PDE6A: variants seen among roughly 807,000 people sequenced by gnomAD.
The protein encoded by PDE6A is rod cGMP-specific 3',5'-cyclic phosphodiesterase subunit alpha.
In PDE6A, 84 loss-of-function variants were observed where a neutral mutation model predicts 106.3. The ratio of observed to expected loss-of-function variants is 0.79; its 90% CI spans 0.66 to 0.95. The LOEUF is 0.95. Among genes scored for constraint, PDE6A ranks in the 40% least tolerant of loss-of-function variants. The pLI is 0.00. For synonymous variants in PDE6A, 394 were observed against 386.6 expected, an observed-to-expected ratio of 1.02 and a Z score of -0.23; for missense variants, 1,052 against 1,084.9, an observed-to-expected ratio of 0.97 and a Z score of 0.43.
At position 149,921,658 on chromosome 5, in the gene PDE6A, C is replaced by G. The variant is rs769712698; in HGVS notation, c.910G>C (p.Gly304Arg). ...ACTCTTCCATCCGGAGTCCTGGGACCAGAGTAAGGTGGAACTTCACCCATC... is the reference window on the plus strand; with the variant it reads ...ACTCTTCCATCCGGAGTCCTGGGACGAGAGTAAGGTGGAACTTCACCCATC... ...VLMGEVPPYS[G>R]PRTPDGREIN... The change falls in exon 5 of 22, where the codon GGT becomes CGT. Residue 304 changes from glycine to arginine, a missense_variant. By Grantham distance (125) the Gly-to-Arg change is moderately radical. Coordinates refer to ENST00000255266, the MANE Select transcript of PDE6A (RefSeq NM_000440.3). The G allele has an allele frequency of 6.2e-7, 1 of 1,613,806 alleles. No individual in the cohort carries two copies. Among genetic ancestry groups the G allele is most frequent in the South Asian group, 1.1e-5 (1 of 91,070 alleles).
chr5:149,875,791 C>G (rs1273714623), intron 17 of PDE6A, among the ~76,000 whole-genome samples: 1 of 152,198 alleles, frequency 6.6e-6, no homozygotes, highest in East Asian at 1.9e-4. Context: ...CCTGGCCATA[C>G]TGACTTTTTA....
chr5:149,921,611 C>T (rs1333744039), intron 5 of PDE6A, 24 bp downstream of exon 5: 2 of 1,580,784 alleles, frequency 1.3e-6, no homozygotes, highest in South Asian at 2.2e-5. Context: ...TTAAATCATA[C>T]TGAAAAGGTC....
At chr5:149,873,622 A>G (rs1760635442) in intron 17 of PDE6A, among the ~76,000 whole-genome samples, 1 of 152,084 alleles carries the variant, frequency 6.6e-6, no homozygotes, top group Non-Finnish European at 1.5e-5. Flanking sequence ...GTGAGCCACC[A>G]CGCCTGGCCA....
chr5:149,900,131 A>C (rs1055606730), intron 8 of PDE6A, among the ~76,000 whole-genome samples: 3 of 151,858 alleles, frequency 2.0e-5, no homozygotes, highest in South Asian at 4.2e-4. Flanking sequence ...AGGCAGGCGG[A>C]TCACTTGATG....
At chr5:149,936,376 C>A (rs1393978166) in intron 1 of PDE6A, among the ~76,000 whole-genome samples, 1 of 152,154 alleles carries the variant, frequency 6.6e-6, no homozygotes, top group African/African-American at 2.4e-5. Flanking sequence ...TAAGCAAAAT[C>A]TCTAAAAAGG....
In PDE6A at chr5:149,860,968, G is replaced by A. The variant is rs757358359; in HGVS notation, c.2510C>T (p.Ala837Val). The A allele has an allele frequency of 3.1e-6, 5 of 1,613,890 alleles. No homozygotes were observed. In the African/African-American group the frequency reaches 6.7e-5, roughly 22 times the overall value. The stretch of plus-strand genomic sequence containing the variant: ...GTTTCCCCCCGGCTGATTTCCTGCG[G>A]CTGCTGCAATGAAACAGGAAAAAGA... Reference protein sequence around the residue: ...KQKQQSAKSAAAGNQPGGNPS... With the variant: ...KQKQQSAKSAVAGNQPGGNPS... The change falls in exon 22 of 22, where the codon GCC (alanine) becomes GTC (valine). Residue 837 changes from alanine (A) to valine (V), a missense_variant. This residue lies in a region of PDE6A where 135 missense variants were observed against 153.2 expected (regional missense o/e 0.88). Transcript: ENST00000255266.
At chr5:149,866,720 T>C (rs1760344654) in intron 19 of PDE6A, 1 of 166,450 alleles carries the variant, frequency 6.0e-6, no homozygotes. Context: ...ATTATGGTTG[T>C]GTTTATGATT....
chr5:149,890,242 C>T (rs1284983286), intron 13 of PDE6A, among the ~76,000 whole-genome samples: 1 of 152,078 alleles, frequency 6.6e-6, no homozygotes, highest in Admixed American at 6.6e-5. Flanking sequence ...CAGGCATGAG[C>T]CACTGCGTCT....
chr5:149,869,002 C>T (rs1002239667), intron 17 of PDE6A, among the ~76,000 whole-genome samples: 1 of 152,148 alleles, frequency 6.6e-6, no homozygotes, highest in African/African-American at 2.4e-5. Flanking sequence ...GTAAAGAGAA[C>T]TGTGAACAGC....
chr5:149,937,678 G>A (rs1300855427), intron 1 of PDE6A, among the ~76,000 whole-genome samples: 1 of 152,150 alleles, frequency 6.6e-6, no homozygotes, highest in African/African-American at 2.4e-5. Context: ...ACCTGGCTGA[G>A]TTTGGATTTT....
intron 1 of PDE6A, among the ~76,000 whole-genome samples, chr5:149,936,639 G>A (rs1356417248): frequency 6.6e-6 from 1 of 152,116 alleles, no homozygotes; most frequent in Non-Finnish European, 1.5e-5. Context: ...ACTGCCAATT[G>A]ACTGGCATTT....
chr5:149,903,147 T>TAA (rs373566897), intron 8 of PDE6A, among the ~76,000 whole-genome samples: 49,441 of 90,266 alleles, frequency 0.55, 13,458 homozygotes, highest in Non-Finnish European at 0.66. Flanking sequence ...AGACCCTCTC[T>TAA]AAAAAAAAAA....
At chr5:149,912,267 C>T (rs1753412102) in intron 6 of PDE6A, among the ~76,000 whole-genome samples, 1 of 152,202 alleles carries the variant, frequency 6.6e-6, no homozygotes, top group Admixed American at 6.5e-5. Context: ...ATAGACAGTG[C>T]ATCCACATCC....
At chr5:149,915,505 A>C (rs1263867724) in intron 5 of PDE6A, among the ~76,000 whole-genome samples, 5 of 152,134 alleles carry the variant, frequency 3.3e-5, no homozygotes, top group Non-Finnish European at 7.3e-5. Context: ...AACTCCCTCC[A>C]AGGATGTGCC....
In PDE6A at chr5:149,858,429, A is replaced by C. The variant is rs945906894; in HGVS notation, c.*2466T>G. 2.6e-5 allele frequency: 4 copies of C among 152,250 alleles called. No individual in the cohort carries two copies. The highest frequency in any genetic ancestry group is 3.2e-3 in the Middle Eastern group (1 of 316). 9.4% of individuals were successfully genotyped at this position (152,250 alleles called of 1,614,324 possible). On this transcript the variant is annotated 3_prime_UTR_variant, in exon 22 of 22. Coordinates refer to ENST00000255266, the MANE Select transcript of PDE6A (RefSeq NM_000440.3). ...GTATGAATGCTGATCAGGCCAGTGC[A>C]TTCCGCTAGGTATTGCATACTTGCC...
chr5:149,881,812 G>A lies in PDE6A; in HGVS notation c.2135+1617C>T, dbSNP rs138967363. Among the ~76,000 whole-genome samples, 28 of 152,208 alleles carry A rather than the reference G, an allele frequency of 1.8e-4. No individual in the cohort carries two copies. The East Asian group carries it at 5.4e-3, about 29-fold the overall frequency. ...CTCACACTTGTAATCTCAACACTTTGGGAGGCCAAGGAGGGTGGATGGCTT... is the reference window on the plus strand; with the variant it reads ...CTCACACTTGTAATCTCAACACTTTAGGAGGCCAAGGAGGGTGGATGGCTT... On this transcript the variant is annotated intron_variant, in intron 17 of 21. Transcript: ENST00000255266.
intron 16 of PDE6A, 129 bp downstream of exon 16, chr5:149,884,350 A>G (rs1220464233): frequency 1.9e-5 from 13 of 671,626 alleles, no homozygotes; most frequent in Admixed American, 8.9e-5. Flanking sequence ...ATATGTGTGT[A>G]TATATGTGTA....
chr5:149,878,920 TCACTTACTTTCCTATTTAGA>T (rs1032030363), intron 17 of PDE6A, among the ~76,000 whole-genome samples: 3 of 152,210 alleles, frequency 2.0e-5, no homozygotes, highest in Non-Finnish European at 2.9e-5. Context: ...CTCCAGCTTA[TCACTTACTTTCCTATTTAGA>T]CTATGTGTTT....
At chr5:149,891,957 T>C (rs1389354161) in intron 13 of PDE6A, among the ~76,000 whole-genome samples, 1 of 152,196 alleles carries the variant, frequency 6.6e-6, no homozygotes, top group Non-Finnish European at 1.5e-5. Context: ...TCTTTTCTGG[T>C]TTTATAGAAC....
Sources: allele counts gnomAD v4.1 joint callset (sites outside exome capture counted in the v4.1 genomes callset), GRCh38; gene constraint gnomAD v4.1.1; regional missense constraint gnomAD v4.1.1; transcripts MANE v1.5; gene names NCBI Gene and HGNC (gene_info 2026-07-23, HGNC 2026-07-21).